Variants in PNISR observed in about 807,000 individuals in gnomAD.
The protein encoded by PNISR is PNN interacting serine and arginine rich protein, also known as arginine/serine-rich protein PNISR.
PNISR carries 20 observed loss-of-function variants against 93.4 expected under a neutral mutation model. The ratio of observed to expected loss-of-function variants is 0.21; its 90% CI spans 0.15 to 0.31. PNISR has a LOEUF of 0.31. Ranked by LOEUF, PNISR falls within the 10% of genes least tolerant of loss-of-function variation. PNISR has a pLI of 1.00. For missense variants in PNISR, 893 were observed against 985.4 expected (o/e 0.91, Z 1.25); for synonymous variants, 305 against 306.5 (o/e 0.99, Z 0.05).
At chr6:99,412,037 TAAAAC>T (rs1444154041) in intron 4 of PNISR, 2 of 294,724 alleles carry the variant, frequency 6.8e-6, no homozygotes, top group East Asian at 7.9e-5. Context: ...TACTGTGAAA[TAAAAC>T]AAACAAAAAA....
Position 99,400,962 on chromosome 6 carries a change from T to C in PNISR, c.1996A>G (p.Lys666Glu). The C allele has an allele frequency of 6.2e-7, 1 of 1,603,568 alleles. No homozygotes were observed. Among genetic ancestry groups the C allele is most frequent in the Non-Finnish European group, 8.5e-7 (1 of 1,170,598 alleles). ...TCTATACTTCGACTCCTCTCCTTTT[T>C]CCTCTCTTGTTCTTTAGCCTCACCT... ...HKGEAKEQER[K>E]KERSRSIDKD... Residue 666 changes from lysine to glutamate, a missense_variant, in exon 12 of 12, where the codon AAA becomes GAA. Physicochemically the swap from Lys to Glu is moderately conservative, Grantham distance 56 (BLOSUM62 1). Around this residue, in one of 3 missense-constraint regions of PNISR, gnomAD observed 866 missense variants for 935.1 expected, o/e 0.93. Coordinates refer to ENST00000369239, the MANE Select transcript of PNISR (RefSeq NM_032870.4).
chr6:99,403,270 G>C (rs1775746254), intron 10 of PNISR: 1 of 152,134 alleles, frequency 6.6e-6, no homozygotes, highest in African/African-American at 2.4e-5. Flanking sequence ...TTGAAATGAA[G>C]ATGTGGAAAA....
At chr6:99,413,406 C>T (rs1372619401) in intron 3 of PNISR, among the ~76,000 whole-genome samples, 1 of 151,406 alleles carries the variant, frequency 6.6e-6, no homozygotes, top group Non-Finnish European at 1.5e-5. Flanking sequence ...ATCCATCCAT[C>T]CATCCATCCA....
rs780533525 is a variant in PNISR at position 99,412,585 on chromosome 6, T to C, written c.243A>G (p.Gln81=). 3 of 1,604,362 alleles carry C rather than the reference T, an allele frequency of 1.9e-6. No homozygotes were observed. Among genetic ancestry groups the C allele is most frequent in the East Asian group, 4.5e-5 (2 of 44,818 alleles). Residue 81 remains glutamine (Q), a synonymous_variant, in exon 4 of 12, where the codon CAA becomes CAG. Transcript: ENST00000369239. ...ACATTCTGTTGAAGTTTGAATCCCC[T>C]TGGAAATTCCCATGATTGTTTGGAC... The part of the protein sequence containing the change: ...ESGPNNHGNF[Q]GDSNFNRMWQ...
In PNISR at chr6:99,399,884, A is replaced by G. The variant is rs1472122945; in HGVS notation, c.*656T>C. ...GGGAGGTGAGAGAAGGTACCTTTAA[A>G]ACCTGTTATACAAAATTCCAGCTGC... On this transcript the variant is annotated 3_prime_UTR_variant, in exon 12 of 12. Transcript: ENST00000369239. 2.0e-5 allele frequency: 3 copies of G among 152,188 alleles called. No homozygotes were observed. The highest frequency in any genetic ancestry group is 4.4e-5 in the Non-Finnish European group (3 of 68,008). The allele number at this position is 152,188 out of a possible 1,614,324, so 9.4% of individuals were successfully genotyped here.
rs1776407058 is a variant in PNISR, at chr6:99,408,262, T to G, written c.683A>C (p.Lys228Thr). ...KQEPPQIDAV[K>T]RRTLPAWIRE... Reference sequence around the variant, plus strand: ...AATCCAAGCGGGAAGAGTCCTGCGTTTTACTGCGTCTGTTTCACGTGGGAA... The same window carrying G: ...AATCCAAGCGGGAAGAGTCCTGCGTGTTACTGCGTCTGTTTCACGTGGGAA... Residue 228 changes from lysine (K) to threonine (T), a missense_variant, in exon 7 of 12, where the codon AAA becomes ACA. Physicochemically the swap from Lys to Thr is moderately conservative, Grantham distance 78. Coordinates refer to ENST00000369239, the MANE Select transcript of PNISR (RefSeq NM_032870.4). 1 of 1,602,678 alleles carries G rather than the reference T, an allele frequency of 6.2e-7. No individual in the cohort carries two copies. The highest frequency in any genetic ancestry group is 1.3e-5 in the African/African-American group (1 of 74,186).
chr6:99,400,995 T>A lies in PNISR; in HGVS notation c.1963A>T (p.Lys655Ter). 1 of 1,613,518 alleles carries A rather than the reference T, an allele frequency of 6.2e-7. No homozygotes were observed. The highest frequency in any genetic ancestry group is 8.5e-7 in the Non-Finnish European group (1 of 1,179,502). The change falls in exon 12 of 12, where the codon AAG (lysine) becomes TAG (stop). Residue 655 changes from lysine (K) to a stop codon, truncating the protein, a stop_gained. Coordinates refer to ENST00000369239, the MANE Select transcript of PNISR (RefSeq NM_032870.4). LOFTEE classifies it high-confidence loss of function. ...TGTTCTTTAGCCTCACCTTTATGCT[T>A]ATGACTGTTCCCACTAAGATTTCCA... is the stretch of plus-strand genomic sequence containing the variant. Reference protein sequence around the residue: ...QRGNLSGNSHKHKGEAKEQER... With the variant: ...QRGNLSGNSH
At position 99,412,600 on chromosome 6, in the gene PNISR, A is replaced by G. The variant is rs1274168456; in HGVS notation, c.228T>C (p.Asn76=). Residue 76 remains asparagine, a synonymous_variant, in exon 4 of 12, where the codon AAT becomes AAC. Coordinates refer to ENST00000369239, the MANE Select transcript of PNISR (RefSeq NM_032870.4). Reference sequence around the variant, plus strand: ...TTGAATCCCCTTGGAAATTCCCATGATTGTTTGGACCAGATTCCATTGTAG... The same window carrying G: ...TTGAATCCCCTTGGAAATTCCCATGGTTGTTTGGACCAGATTCCATTGTAG... ...DMSTMESGPN[N]HGNFQGDSNF... 6.2e-7 allele frequency: 1 copy of G among 1,607,732 alleles called. No homozygotes were observed. The highest frequency in any genetic ancestry group is 1.3e-5 in the African/African-American group (1 of 74,554).
Position 99,406,098 on chromosome 6 carries a change from G to A in PNISR, c.935C>T (p.Pro312Leu), listed in dbSNP as rs1446629232. 1 of 1,608,456 alleles carries A rather than the reference G, an allele frequency of 6.2e-7. No individual in the cohort carries two copies. Residue 312 changes from proline (P) to leucine (L), a missense_variant, in exon 8 of 12, where the codon CCA (proline) becomes CTA (leucine). By Grantham distance (98) the Pro-to-Leu change is moderately conservative. Coordinates refer to ENST00000369239, the MANE Select transcript of PNISR (RefSeq NM_032870.4). ...GTGCTCTTCTTGAGGAACTGGGGATGGACTTCTGGTGACTTTCCCACTACT... is the reference window on the plus strand; with the variant it reads ...GTGCTCTTCTTGAGGAACTGGGGATAGACTTCTGGTGACTTTCCCACTACT... ...AASSGKVTRSPSPVPQEEHSD... is the reference protein window; with the variant it reads ...AASSGKVTRSLSPVPQEEHSD...
At chr6:99,412,116 G>T in intron 4 of PNISR, 1 of 300,636 alleles carries the variant, frequency 3.3e-6, no homozygotes, top group Non-Finnish European at 6.7e-6. Context: ...GAAGAAAAAG[G>T]TAGGCGGATG....
In PNISR at chr6:99,416,321, A is replaced by C. The variant is rs138828343; in HGVS notation, c.-32+28T>G. On this transcript the variant is annotated intron_variant, in intron 2 of 11. Transcript: ENST00000369239. The stretch of plus-strand genomic sequence containing the variant: ...AACAAATAAATAGGAAACACCAAGA[A>C]GACACACCAACTGCTATTTAAACTG... The C allele has an allele frequency of 2.2e-3, 1,577 of 715,808 alleles. 29 individuals carry two copies. In the African/African-American group the frequency reaches 0.025, roughly 11 times the overall value. 44.3% of individuals were successfully genotyped at this position (715,808 alleles called of 1,614,324 possible). A position where few individuals can be genotyped will look rare whatever the true frequency, so the allele number is the denominator to read the frequency against.
At chr6:99,424,184 TC>T (rs1399013566) in intron 1 of PNISR, among the ~76,000 whole-genome samples, 2 of 152,200 alleles carry the variant, frequency 1.3e-5, no homozygotes, top group African/African-American at 2.4e-5. Flanking sequence ...TAATGTGATA[TC>T]CTAGCTGGCA....
chr6:99,407,852 G>A (rs913852870), intron 7 of PNISR, among the ~76,000 whole-genome samples: 3 of 152,188 alleles, frequency 2.0e-5, no homozygotes, highest in Admixed American at 6.5e-5. Context: ...TGTTTATCAA[G>A]ATCTAGCCAG....
chr6:99,413,094 CA>C (rs10708616), intron 3 of PNISR, among the ~76,000 whole-genome samples: 145,977 of 151,736 alleles, frequency 0.96, 70,449 homozygotes, highest in South Asian at 1. Flanking sequence ...ATCACCTTTA[CA>C]AAAAAAAAAT....
At chr6:99,406,226 CT>C in intron 7 of PNISR, 58 bp from the exon 8 acceptor site, 1 of 1,118,282 alleles carries the variant, frequency 8.9e-7, no homozygotes, top group Non-Finnish European at 1.3e-6. Flanking sequence ...AAATCCTTAT[CT>C]TACATACAGA....
intron 1 of PNISR, among the ~76,000 whole-genome samples, chr6:99,416,792 T>TAATTTA: frequency 6.6e-6 from 1 of 152,222 alleles, no homozygotes; most frequent in Admixed American, 6.5e-5. Flanking sequence ...TAAAATGTAT[T>TAATTTA]AATTTAAATT....
intron 2 of PNISR, chr6:99,415,419 T>C (rs1777546672): frequency 6.6e-6 from 1 of 152,164 alleles, no homozygotes; most frequent in Admixed American, 6.5e-5. Context: ...TTTCTTAACA[T>C]ATAAATAGCA....
At chr6:99,417,573 A>G (rs1399092109) in intron 1 of PNISR, among the ~76,000 whole-genome samples, 4 of 152,238 alleles carry the variant, frequency 2.6e-5, no homozygotes, top group Admixed American at 2.0e-4. Flanking sequence ...ACTAAGCATC[A>G]GAAGTTTCAA....
rs985678900 is a variant in PNISR at position 99,410,762 on chromosome 6, T to C, written c.480A>G (p.Pro160=). 5.0e-6 allele frequency: 8 copies of C among 1,613,816 alleles called. No individual in the cohort carries two copies. Among genetic ancestry groups the C allele is most frequent in the Non-Finnish European group, 6.8e-6 (8 of 1,179,736 alleles). ...GGPPDNFAVG[P]VNQFDYQHGA... ...TCACCTGATAGTCAAACTGGTTCAC[T>C]GGCCCCACTGCAAAATTATCGGGTG... Residue 160 remains proline, a synonymous_variant, in exon 5 of 12, where the codon CCA becomes CCG. Coordinates refer to ENST00000369239, the MANE Select transcript of PNISR (RefSeq NM_032870.4).
Sources: gnomAD v4.1 joint callset for allele counts (sites outside exome capture counted in the v4.1 genomes callset) on GRCh38, gnomAD v4.1.1 for gene constraint, gnomAD v4.1.1 regional missense constraint, MANE v1.5 for transcripts, NCBI Gene and HGNC (gene_info 2026-07-23, HGNC 2026-07-21) for gene names.